NEBL: variants seen among roughly 807,000 people sequenced by gnomAD.
NEBL encodes the protein nebulette.
Under a neutral mutation model 140.2 loss-of-function variants are expected in NEBL, and 122 were observed. That is an observed-to-expected ratio of 0.87 (90% confidence interval 0.75 to 1.01). NEBL has a LOEUF of 1.01. Ranked by LOEUF, NEBL falls within the 50% of genes least tolerant of loss-of-function variation. The pLI, the probability that NEBL is intolerant of heterozygous loss-of-function variation, is 0.00. For missense variants in NEBL, 1,365 were observed against 1,231.3 expected (o/e 1.11, Z -1.62); for synonymous variants, 436 against 398.9 (o/e 1.09, Z -1.11).
At chr10:21,246,557 A>G (rs1588559500) in intron 3 of NEBL, among the ~76,000 whole-genome samples, 2 of 152,100 alleles carry the variant, frequency 1.3e-5, no homozygotes, top group African/African-American at 2.4e-5. Context: ...CCAGTGCAAG[A>G]GGATCACTTG....
intron 2 of NEBL, among the ~76,000 whole-genome samples, chr10:21,144,442 G>A (rs1172862840): frequency 6.6e-6 from 1 of 152,176 alleles, no homozygotes; most frequent in Admixed American, 6.5e-5. Flanking sequence ...AAATCAGAAT[G>A]GGGCCGGGTG....
chr10:21,023,901 A>G (rs190202590), intron 2 of NEBL, among the ~76,000 whole-genome samples: 20 of 152,224 alleles, frequency 1.3e-4, no homozygotes, highest in Admixed American at 1.0e-3. Context: ...CCATACCACT[A>G]AGTTTGAAGT....
intron 2 of NEBL, among the ~76,000 whole-genome samples, chr10:21,093,150 C>CTTTTTTTTTTTTTTTTTTTTTTTTT (rs4025884): frequency 1.1e-5 from 1 of 95,038 alleles, no homozygotes; most frequent in Non-Finnish European, 2.0e-5. Flanking sequence ...AGCAACAAGT[C>CTTTTTTTTTTTTTTTTTTTTTTTTT]TTTTTTTTTT....
At chr10:20,789,533 T>C (rs1045406571) in intron 26 of NEBL, among the ~76,000 whole-genome samples, 1 of 152,214 alleles carries the variant, frequency 6.6e-6, no homozygotes, top group Non-Finnish European at 1.5e-5. Context: ...TGCTTAACAA[T>C]GTTTTCTCAT....
At chr10:21,126,459 G>A (rs1838839522) in intron 2 of NEBL, among the ~76,000 whole-genome samples, 1 of 152,028 alleles carries the variant, frequency 6.6e-6, no homozygotes, top group Non-Finnish European at 1.5e-5. Context: ...CCCAGTGTGT[G>A]GACTCTAAAG....
At chr10:21,048,822 C>G (rs534756176) in intron 2 of NEBL, among the ~76,000 whole-genome samples, 12 of 152,018 alleles carry the variant, frequency 7.9e-5, no homozygotes, top group Non-Finnish European at 1.6e-4. Flanking sequence ...ATGGTGAAAC[C>G]CTGTCTCTAC....
At chr10:21,258,180 C>T (rs1842686920) in intron 1 of NEBL, among the ~76,000 whole-genome samples, 1 of 152,026 alleles carries the variant, frequency 6.6e-6, no homozygotes, top group African/African-American at 2.4e-5. Flanking sequence ...CCCAGCAACT[C>T]AGGAGGCTGA....
chr10:21,172,257 A>G, intron 2 of NEBL: 1 of 748,058 alleles, frequency 1.3e-6, no homozygotes, highest in Non-Finnish European at 2.4e-6. Context: ...TCTGTGATAT[A>G]AACAGGTAAC....
intron 3 of NEBL, among the ~76,000 whole-genome samples, chr10:20,978,917 C>A (rs58113651): frequency 7.2e-4 from 110 of 152,186 alleles, no homozygotes; most frequent in African/African-American, 2.6e-3. Flanking sequence ...GTGAAATCTG[C>A]AATCTAAATG....
chr10:20,835,472 A>G (rs1380111904), intron 14 of NEBL, 41 bp downstream of exon 14: 1 of 1,434,248 alleles, frequency 7.0e-7, no homozygotes, highest in Non-Finnish European at 9.8e-7. Context: ...GTTAGGTTCC[A>G]AAATATGAGT....
intron 2 of NEBL, among the ~76,000 whole-genome samples, chr10:21,094,374 C>T (rs1372829955): frequency 6.6e-6 from 1 of 152,004 alleles, no homozygotes; most frequent in African/African-American, 2.4e-5. Context: ...CAGTGGCAGG[C>T]GCCTGTAGTC....
At chr10:20,892,202 TC>T (rs1314788859) in intron 2 of NEBL, among the ~76,000 whole-genome samples, 1 of 152,202 alleles carries the variant, frequency 6.6e-6, no homozygotes, top group Admixed American at 6.5e-5. Context: ...GGTCATGCCA[TC>T]CAGTGTTTGG....
intron 3 of NEBL, among the ~76,000 whole-genome samples, chr10:20,982,387 G>A (rs1344689096): frequency 6.7e-6 from 1 of 149,336 alleles, no homozygotes; most frequent in Non-Finnish European, 1.5e-5. Context: ...TTGAACTTGA[G>A]CAAGAATTCT....
chr10:20,863,856 G>A lies in NEBL; in HGVS notation c.685-4030C>T. Among the ~76,000 whole-genome samples the A allele has an allele frequency of 1.3e-5, 2 of 152,168 alleles. 1 individual carries two copies. Among genetic ancestry groups the A allele is most frequent in the Admixed American group, 1.3e-4 (2 of 15,270 alleles). On this transcript the variant is annotated intron_variant, in intron 7 of 27. Coordinates refer to ENST00000377122, the MANE Select transcript of NEBL (RefSeq NM_006393.3). ...AAAGAAGAGGAGAGAATAAAGGGGA[G>A]GAGAGCAATATTTAAATTGGCGAGT... is the stretch of plus-strand genomic sequence containing the variant.
In NEBL at chr10:21,205,560, G is replaced by T. The variant is rs987737664; in HGVS notation, n.349-33083C>A. ...AAAAAACAAATTACAGAACAATATA[G>T]ATCCCATTTTTGTAAGAAGAAAACT... On this transcript the variant is annotated intron_variant and non_coding_transcript_variant, in intron 3 of 8. Coordinates refer to the NEBL transcript ENST00000675702. 3.9e-5 allele frequency among the ~76,000 whole-genome samples: 6 copies of T among 151,966 alleles called. No individual in the cohort carries two copies. In the South Asian group the frequency reaches 1.2e-3, roughly 31 times the overall value.
rs142558044 is a variant in NEBL at position 21,216,612 on chromosome 10, G to C, written n.348+31309C>G. On this transcript the variant is annotated intron_variant and non_coding_transcript_variant, in intron 3 of 8. Coordinates refer to the NEBL transcript ENST00000675702. The stretch of plus-strand genomic sequence containing the variant: ...ACAGTGAAACCCTGTCTCTACTAAA[G>C]ACACAAAAATTAGCTGGGCATGGTG... 8.0e-3 allele frequency among the ~76,000 whole-genome samples: 1,222 copies of C among 151,942 alleles called. 18 individuals are homozygous for C. The highest frequency in any genetic ancestry group is 0.028 in the African/African-American group (1,162 of 41,436).
At chr10:20,879,401 C>T (rs1334501219) in intron 5 of NEBL, among the ~76,000 whole-genome samples, 2 of 152,120 alleles carry the variant, frequency 1.3e-5, no homozygotes, top group African/African-American at 4.8e-5. Context: ...TAAAGCACCC[C>T]CCTAAAATAA....
chr10:20,849,843 T>G (rs1842334150), intron 11 of NEBL, among the ~76,000 whole-genome samples: 1 of 152,042 alleles, frequency 6.6e-6, no homozygotes, highest in Non-Finnish European at 1.5e-5. Flanking sequence ...GATACAGAAT[T>G]TCATCTAAGA....
intron 2 of NEBL, among the ~76,000 whole-genome samples, chr10:20,894,240 C>T (rs1381292513): frequency 6.6e-6 from 1 of 152,126 alleles, no homozygotes; most frequent in Admixed American, 6.6e-5. Context: ...GAGAACGATG[C>T]AGGAGAATCA....
Sources: allele counts gnomAD v4.1 joint callset (sites outside exome capture counted in the v4.1 genomes callset), GRCh38; gene constraint gnomAD v4.1.1; transcripts MANE v1.5; gene names NCBI Gene and HGNC (gene_info 2026-07-23, HGNC 2026-07-21).